The following OPCML variants were observed in gnomAD, a reference collection of about 807,000 sequenced individuals.
OPCML encodes the protein opioid-binding protein/cell adhesion molecule.
A neutral mutation model predicts 37.8 loss-of-function variants in OPCML; 13 were observed. The observed-to-expected ratio is 0.34, with a 90% CI of 0.22 to 0.55. OPCML has a LOEUF of 0.55. Among genes scored for constraint, OPCML ranks in the 20% least tolerant of loss-of-function variants. The probability of loss-of-function intolerance (pLI) is 0.91; values close to 1 mark genes in which losing one functional copy is unlikely to be tolerated. For missense variants in OPCML, 341 were observed against 435.6 expected (o/e 0.78, Z 1.93); for synonymous variants, 176 against 168.8 (o/e 1.04, Z -0.33).
intron 3 of OPCML, among the ~76,000 whole-genome samples, chr11:132,583,115 C>G (rs2096465633): frequency 6.6e-6 from 1 of 151,930 alleles, no homozygotes; most frequent in African/African-American, 2.4e-5. Flanking sequence ...AGTGCAGTGA[C>G]AGGATCACAA....
In OPCML at chr11:132,942,992, C is replaced by G. The variant is rs199685166; in HGVS notation, c.80G>C (p.Gly27Ala). 6.2e-6 allele frequency: 10 copies of G among 1,614,164 alleles called. No individual in the cohort carries two copies. Among genetic ancestry groups the G allele is most frequent in the Non-Finnish European group, 8.5e-6 (10 of 1,180,018 alleles). Residue 27 changes from glycine (G) to alanine (A), a missense_variant, in exon 2 of 8, where the codon GGA (glycine) becomes GCA (alanine). Transcript: ENST00000524381. Reference sequence around the variant, plus strand: ...CATAGCTTTGGGGAAGGTGGCATCTCCGCTGCGCACGGGCACTCCTGTGGG... The same window carrying G: ...CATAGCTTTGGGGAAGGTGGCATCTGCGCTGCGCACGGGCACTCCTGTGGG... ...LFIPGVPVRS[G>A]DATFPKAMDN...
intron 1 of OPCML, among the ~76,000 whole-genome samples, chr11:133,520,416 C>T (rs1948375018): frequency 6.6e-6 from 1 of 151,956 alleles, no homozygotes; most frequent in Non-Finnish European, 1.5e-5. Flanking sequence ...CCCACGCAAG[C>T]AGAAAAACAA....
At chr11:133,357,056 T>C (rs1224145903) in intron 1 of OPCML, among the ~76,000 whole-genome samples, 1 of 152,224 alleles carries the variant, frequency 6.6e-6, no homozygotes, top group African/African-American at 2.4e-5. Context: ...ATTCAACCGT[T>C]TGCTCTAGGA....
intron 4 of OPCML, among the ~76,000 whole-genome samples, chr11:132,527,134 A>G (rs1485483695): frequency 6.6e-6 from 1 of 152,032 alleles, no homozygotes; most frequent in Non-Finnish European, 1.5e-5. Context: ...TTGCCTGTCA[A>G]TGGTTATTTG....
chr11:132,544,205 G>C (rs542367323), intron 3 of OPCML, among the ~76,000 whole-genome samples: 1 of 151,326 alleles, frequency 6.6e-6, no homozygotes, highest in East Asian at 1.9e-4. Flanking sequence ...CCAGCAAAAA[G>C]CAATTAAAGC....
chr11:133,385,592 T>C (rs897428452), intron 1 of OPCML, among the ~76,000 whole-genome samples: 2 of 152,044 alleles, frequency 1.3e-5, no homozygotes, highest in Non-Finnish European at 2.9e-5. Context: ...GTCTCCAGCC[T>C]AGCTGTTTTC....
chr11:132,612,599 C>A (rs977846461), intron 3 of OPCML, among the ~76,000 whole-genome samples: 1 of 152,008 alleles, frequency 6.6e-6, no homozygotes, highest in Non-Finnish European at 1.5e-5. Flanking sequence ...GGACATAAGA[C>A]AAATGCTAGC....
At chr11:133,479,720 G>C (rs1342952810) in intron 1 of OPCML, among the ~76,000 whole-genome samples, 1 of 152,176 alleles carries the variant, frequency 6.6e-6, no homozygotes, top group Non-Finnish European at 1.5e-5. Context: ...CAGTCTCGAG[G>C]AGCCCATATG....
chr11:133,168,883 C>T (rs1294972750), intron 1 of OPCML, among the ~76,000 whole-genome samples: 9 of 152,166 alleles, frequency 5.9e-5, no homozygotes, highest in Non-Finnish European at 1.5e-5. Context: ...AATCCCAGTA[C>T]TTTGGGAGGC....
chr11:132,524,116 A>T (rs2137263739), intron 4 of OPCML, among the ~76,000 whole-genome samples: 1 of 152,326 alleles, frequency 6.6e-6, no homozygotes, highest in Non-Finnish European at 1.5e-5. Context: ...CCCTCCTTAG[A>T]ACACAACAGA....
chr11:133,223,292 G>A (rs1235911919), intron 1 of OPCML, among the ~76,000 whole-genome samples: 3 of 152,206 alleles, frequency 2.0e-5, no homozygotes, highest in Non-Finnish European at 2.9e-5. Context: ...CCAGTTCTGG[G>A]TACTAATGAG....
intron 3 of OPCML, among the ~76,000 whole-genome samples, chr11:132,552,965 A>G (rs1395854875): frequency 6.6e-6 from 1 of 151,856 alleles, no homozygotes; most frequent in Non-Finnish European, 1.5e-5. Flanking sequence ...GGTGTTTCAC[A>G]GTGTTAGCCA....
intron 2 of OPCML, among the ~76,000 whole-genome samples, chr11:132,674,095 C>A (rs893876806): frequency 1.4e-4 from 21 of 152,186 alleles, no homozygotes; most frequent in African/African-American, 4.8e-4. Flanking sequence ...ACAAAGCTAG[C>A]TAATAAACCA....
intron 1 of OPCML, among the ~76,000 whole-genome samples, chr11:132,957,297 T>A (rs1199935043): frequency 6.6e-6 from 1 of 151,634 alleles, no homozygotes; most frequent in Middle Eastern, 3.4e-3. Context: ...CTCCAGAAAA[T>A]GGGTGTGAAG....
At chr11:133,236,931 T>G (rs1197051803) in intron 1 of OPCML, among the ~76,000 whole-genome samples, 1 of 152,196 alleles carries the variant, frequency 6.6e-6, no homozygotes, top group Non-Finnish European at 1.5e-5. Flanking sequence ...CTGTCTCCTT[T>G]GTTCAATGTA....
chr11:133,354,283 A>ATAC (rs1944221600), intron 1 of OPCML, among the ~76,000 whole-genome samples: 1 of 13,976 alleles, frequency 7.2e-5, no homozygotes, highest in African/African-American at 2.7e-4. Flanking sequence ...GGTGATAGTG[A>ATAC]TGGTGGTGCT....
intron 1 of OPCML, among the ~76,000 whole-genome samples, chr11:132,954,232 T>C (rs903600675): frequency 6.6e-6 from 1 of 152,150 alleles, no homozygotes; most frequent in African/African-American, 2.4e-5. Context: ...CCAAAGAACA[T>C]GGTGTGTTAC....
At chr11:133,064,031 T>A (rs1490485419) in intron 1 of OPCML, among the ~76,000 whole-genome samples, 2 of 152,240 alleles carry the variant, frequency 1.3e-5, no homozygotes, top group Non-Finnish European at 2.9e-5. Context: ...TTTCTTTCTT[T>A]CTTTCTTTAA....
chr11:133,180,041 C>T (rs1412783216), intron 1 of OPCML, among the ~76,000 whole-genome samples: 1 of 152,084 alleles, frequency 6.6e-6, no homozygotes, highest in African/African-American at 2.4e-5. Context: ...GGTCCCTGAC[C>T]CTGCTTAAGA....
Sources: gnomAD v4.1 joint callset for allele counts (sites outside exome capture counted in the v4.1 genomes callset) on GRCh38, gnomAD v4.1.1 for gene constraint, MANE v1.5 for transcripts, NCBI Gene and HGNC (gene_info 2026-07-23, HGNC 2026-07-21) for gene names.